BAHCC1: variants seen among roughly 807,000 people sequenced by gnomAD.
BAHCC1 encodes BAH and coiled-coil domain-containing protein 1.
A neutral mutation model predicts 88.2 loss-of-function variants in BAHCC1; 43 were observed. The observed-to-expected ratio is 0.49, with a 90% confidence interval of 0.38 to 0.63. The LOEUF is 0.63. BAHCC1 is among the 20% of genes least tolerant of loss of function. BAHCC1 has a pLI of 0.00. For missense variants in BAHCC1, 3,023 were observed against 1,654.8 expected, an observed-to-expected ratio of 1.83 and a Z score of -14.34; for synonymous variants, 1,510 against 745.5, an observed-to-expected ratio of 2.03 and a Z score of -16.71.
Position 81,447,755 on chromosome 17 carries a change from C to G in BAHCC1, c.3883C>G (p.Leu1295Val). Residue 1295 changes from leucine to valine, a missense_variant, in exon 11 of 28, where the codon CTG becomes GTG. Coordinates refer to ENST00000675386, the MANE Select transcript of BAHCC1 (RefSeq NM_001377448.1). ...AASGPPSTVPLPHSSGIHGIA... is the reference protein window; with the variant it reads ...AASGPPSTVPVPHSSGIHGIA... ...CTCTGGGCCCCCCAGCACAGTCCCC[C>G]TGCCTCATAGCTCAGGGATTCATGG... is the stretch of plus-strand genomic sequence containing the variant. 1.3e-6 allele frequency: 1 copy of G among 741,776 alleles called. No homozygotes were observed. 45.9% of individuals were successfully genotyped at this position (741,776 alleles called of 1,614,324 possible).
In BAHCC1 at chr17:81,415,133, G is replaced by GCTGGA. The variant is rs570099297; in HGVS notation, c.179-11666_179-11662dup. 2.6e-4 allele frequency among the ~76,000 whole-genome samples: 40 copies of GCTGGA among 152,358 alleles called. No individual in the cohort carries two copies. In the East Asian group the frequency reaches 7.7e-3, roughly 29 times the overall value. Reference sequence around the variant, plus strand: ...GCTGGGGACGGGCCCGGGCGAGGGAGCTGGAGGAGGGCACCTGGCCGTGTG... The same window carrying GCTGGA: ...GCTGGGGACGGGCCCGGGCGAGGGAGCTGGACTGGAGGAGGGCACCTGGCCGTGTG... On this transcript the variant is annotated intron_variant, in intron 2 of 27. Coordinates refer to ENST00000675386, the MANE Select transcript of BAHCC1 (RefSeq NM_001377448.1).
At chr17:81,397,394 A>AG (rs1243835656) in intron 1 of BAHCC1, among the ~76,000 whole-genome samples, 33 of 122,038 alleles carry the variant, frequency 2.7e-4, no homozygotes, top group Non-Finnish European at 5.9e-4. Flanking sequence ...CTTATTGGAG[A>AG]GAAAAAAAAA....
At chr17:81,413,227 G>T (rs924226627) in intron 2 of BAHCC1, 2 of 280,698 alleles carry the variant, frequency 7.1e-6, no homozygotes, top group South Asian at 5.2e-5. Context: ...CCCCCCGGGC[G>T]CTCGCTGCTG....
chr17:81,462,488 C>A, intron 26 of BAHCC1: 1 of 548,394 alleles, frequency 1.8e-6, no homozygotes, highest in Non-Finnish European at 3.2e-6. Context: ...TCCACATGTC[C>A]CTGTCCCAGA....
rs868980426 is a variant in BAHCC1 at position 81,399,859 on chromosome 17, C to T, written c.120C>T (p.Pro40=). ...LAPAGPAAQP[P]AHFQPGKYFP... ...CGGCTGGGCCCGCCGCGCAGCCCCC[C>T]GCACACTTCCAGCCGGGAAAGTACT... is the stretch of plus-strand genomic sequence containing the variant. The change falls in exon 2 of 28, where the codon CCC becomes CCT. Residue 40 remains proline (P), a synonymous_variant. Transcript: ENST00000675386. The surrounding 1 kb of genome is among the most constrained non-coding windows in gnomAD (Gnocchi z 4.5). 18 of 1,445,150 alleles carry T rather than the reference C, an allele frequency of 1.2e-5. No individual in the cohort carries two copies. The highest frequency in any genetic ancestry group is 5.3e-5 in the Admixed American group (2 of 37,656). The allele number at this position is 1,445,150 out of a possible 1,614,324, so 89.5% of individuals were successfully genotyped here.
intron 14 of BAHCC1, among the ~76,000 whole-genome samples, chr17:81,453,633 G>A (rs1432048568): frequency 6.8e-6 from 1 of 147,842 alleles, no homozygotes. Context: ...GGTGTCTCCT[G>A]GGGGGGGGTC....
At position 81,442,330 on chromosome 17, in the gene BAHCC1, C is replaced by T; in HGVS notation, c.981C>T (p.Pro327=). 1.5e-6 allele frequency: 1 copy of T among 685,964 alleles called. No individual in the cohort carries two copies. The highest frequency in any genetic ancestry group is 2.7e-6 in the Non-Finnish European group (1 of 375,984). The allele number at this position is 685,964 out of a possible 1,614,324, so 42.5% of individuals were successfully genotyped here. ...SGRCAKEAAG[P]PEPGPAFSEC... ...GCTGTGCAAAGGAGGCAGCAGGCCC[C>T]CCGGAGCCCGGGCCGGCCTTCAGCG... Residue 327 remains proline (P), a synonymous_variant, in exon 5 of 28, where the codon CCC becomes CCT. Coordinates refer to ENST00000675386, the MANE Select transcript of BAHCC1 (RefSeq NM_001377448.1).
At chr17:81,426,426 T>C (rs2064200042) in intron 2 of BAHCC1, among the ~76,000 whole-genome samples, 2 of 98,792 alleles carry the variant, frequency 2.0e-5, no homozygotes, top group African/African-American at 8.1e-5. Flanking sequence ...GGGGTGATAG[T>C]GGTGGGTGAT....
In BAHCC1 at chr17:81,441,827, A is replaced by C; in HGVS notation, c.482-4A>C. The C allele has an allele frequency of 1.6e-6, 1 of 637,306 alleles. No individual in the cohort carries two copies. Among genetic ancestry groups the C allele is most frequent in the South Asian group, 2.0e-5 (1 of 50,824 alleles). The allele number at this position is 637,306 out of a possible 1,614,324, so 39.5% of individuals were successfully genotyped here. A position where few individuals can be genotyped will look rare whatever the true frequency, so the allele number is the denominator to read the frequency against. The stretch of plus-strand genomic sequence containing the variant: ...CCCATTGACCTTGGCTCTTTCCCAC[A>C]CAGATAACTTCTACCTGCGCAACCT... On this transcript the variant is annotated splice_polypyrimidine_tract_variant and splice_region_variant and intron_variant, in intron 4 of 27. Coordinates refer to ENST00000675386, the MANE Select transcript of BAHCC1 (RefSeq NM_001377448.1).
At position 81,399,268 on chromosome 17, in the gene BAHCC1, CG is replaced by C. The variant is rs1555645490; in HGVS notation, c.-206-265del. The C allele has an allele frequency of 5.2e-6, 2 of 384,422 alleles. No homozygotes were observed. The highest frequency in any genetic ancestry group is 1.1e-5 in the Non-Finnish European group (2 of 190,284). The allele number at this position is 384,422 out of a possible 1,614,324, so 23.8% of individuals were successfully genotyped here. ...CCGCGGGGACGAGAACGGGAGGCGG[CG>C]AGCAGTGCGGCTGGGTTCCCCCGGC... is the stretch of plus-strand genomic sequence containing the variant. On this transcript the variant is annotated intron_variant, in intron 1 of 27. Transcript: ENST00000675386. This position sits in a 1 kb window ranked among gnomAD's most constrained non-coding sequence, Gnocchi z 4.5.
Position 81,463,667 on chromosome 17 carries a change from C to G in BAHCC1, c.7677C>G (p.His2559Gln). 1.3e-6 allele frequency: 1 copy of G among 779,734 alleles called. No individual in the cohort carries two copies. The highest frequency in any genetic ancestry group is 2.4e-6 in the Non-Finnish European group (1 of 417,906). The allele number at this position is 779,734 out of a possible 1,614,324, so 48.3% of individuals were successfully genotyped here. Residue 2559 changes from histidine (H) to glutamine (Q), a missense_variant, in exon 28 of 28, where the codon CAC (histidine) becomes CAG (glutamine). Transcript: ENST00000675386. ...AGAACGACGTGCAGACCATCTCCCA[C>G]AAGTGCCAGGTCGTGGCGCGCGAGC... ...EDENDVQTIS[H>Q]KCQVVAREQY...
chr17:81,412,360 C>T (rs1428866729), intron 2 of BAHCC1, among the ~76,000 whole-genome samples: 1 of 152,240 alleles, frequency 6.6e-6, no homozygotes, highest in African/African-American at 2.4e-5. Flanking sequence ...TGGGCTAACT[C>T]TTAAAAAGCC....
At chr17:81,439,978 T>C (rs1230824509) in intron 4 of BAHCC1, among the ~76,000 whole-genome samples, 2 of 151,940 alleles carry the variant, frequency 1.3e-5, no homozygotes, top group Non-Finnish European at 2.9e-5. Context: ...GCCCGAGATT[T>C]GCTAAGGCTC....
At chr17:81,425,455 TA>T (rs1555650271) in intron 2 of BAHCC1, among the ~76,000 whole-genome samples, 1 of 64,726 alleles carries the variant, frequency 1.5e-5, no homozygotes. Flanking sequence ...TTGGGGGTGA[TA>T]GTGGTGGGTG....
intron 2 of BAHCC1, chr17:81,415,422 C>CA: frequency 2.5e-6 from 1 of 395,316 alleles, no homozygotes; most frequent in Non-Finnish European, 5.1e-6. Context: ...TGGCAGGGGG[C>CA]ATACGTCCCC....
At position 81,443,528 on chromosome 17, in the gene BAHCC1, A is replaced by G. The variant is rs1555653360; in HGVS notation, c.2179A>G (p.Thr727Ala). The change falls in exon 5 of 28, where the codon ACT becomes GCT. Residue 727 changes from threonine to alanine, a missense_variant. Transcript: ENST00000675386. ...GTCTGAGGCAGCCTACGGCACCAACACTGCGCGGCAGGGCCGGGCCGCCCC... is the reference window on the plus strand; with the variant it reads ...GTCTGAGGCAGCCTACGGCACCAACGCTGCGCGGCAGGGCCGGGCCGCCCC... ...SRSEAAYGTN[T>A]ARQGRAAPAF... 4 of 669,154 alleles carry G rather than the reference A, an allele frequency of 6.0e-6. No individual in the cohort carries two copies. The highest frequency in any genetic ancestry group is 4.8e-5 in the South Asian group (3 of 62,826). 41.5% of individuals were successfully genotyped at this position (669,154 alleles called of 1,614,324 possible). A position where few individuals can be genotyped will look rare whatever the true frequency, so the allele number is the denominator to read the frequency against.
At chr17:81,431,395 T>TA (rs2064259775) in intron 3 of BAHCC1, among the ~76,000 whole-genome samples, 1 of 152,162 alleles carries the variant, frequency 6.6e-6, no homozygotes, top group Admixed American at 6.5e-5. Context: ...CAGTCACTGT[T>TA]GAGTGCAGGG....
intron 8 of BAHCC1, 65 bp downstream of exon 8, chr17:81,444,891 G>C (rs1364819096): frequency 5.6e-6 from 4 of 718,434 alleles, no homozygotes; most frequent in African/African-American, 5.3e-5. Flanking sequence ...GCAGCCGGGG[G>C]TGTGCTGGCC....
At chr17:81,424,774 G>C (rs1025727221) in intron 2 of BAHCC1, among the ~76,000 whole-genome samples, 2 of 151,824 alleles carry the variant, frequency 1.3e-5, no homozygotes, top group Non-Finnish European at 2.9e-5. Flanking sequence ...GATGTGGTTG[G>C]TGGTGGTGGG....
Sources: gnomAD v4.1 joint callset for allele counts (sites outside exome capture counted in the v4.1 genomes callset) on GRCh38, gnomAD v4.1.1 for gene constraint, Gnocchi (gnomAD v3.1) non-coding constraint, MANE v1.5 for transcripts, NCBI Gene and HGNC (gene_info 2026-07-23, HGNC 2026-07-21) for gene names.